OPCML: variants seen among roughly 807,000 people sequenced by gnomAD.
OPCML encodes the protein opioid binding protein/cell adhesion molecule like, also known as opioid-binding protein/cell adhesion molecule.
OPCML carries 13 observed loss-of-function variants against 37.8 expected under a neutral mutation model. That is an observed-to-expected ratio of 0.34 (90% confidence interval 0.22 to 0.55). OPCML has a LOEUF of 0.55. Ranked by LOEUF, OPCML falls within the 20% of genes least tolerant of loss-of-function variation. OPCML has a pLI of 0.91. For missense variants in OPCML, 341 were observed against 435.6 expected (o/e 0.78, Z 1.93); for synonymous variants, 176 against 168.8 (o/e 1.04, Z -0.33).
At position 133,458,819 on chromosome 11, in the gene OPCML, G is replaced by GTGTGTGTGTATATACACATAGATA. The variant is rs1565645993; in HGVS notation, c.61+73444_61+73445insTATCTATGTGTATATACACACACA. Among the ~76,000 whole-genome samples the GTGTGTGTGTATATACACATAGATA allele has an allele frequency of 6.7e-4, 84 of 124,690 alleles. 3 individuals carry two copies. Among genetic ancestry groups the GTGTGTGTGTATATACACATAGATA allele is most frequent in the African/African-American group, 3.3e-3 (81 of 24,526 alleles). 81.8% of individuals were successfully genotyped at this position (124,690 alleles called of 152,430 possible). On this transcript the variant is annotated intron_variant, in intron 1 of 7. Transcript: ENST00000524381. ...CGTGTGTGTGTATATACACATAGAT[G>GTGTGTGTGTATATACACATAGATA]CACGTGTGTGTGTATATACACATAG...
chr11:132,668,185 G>A (rs1344915374), intron 2 of OPCML, among the ~76,000 whole-genome samples: 1 of 152,164 alleles, frequency 6.6e-6, no homozygotes, highest in Non-Finnish European at 1.5e-5. Flanking sequence ...AGTCACCCTT[G>A]TCAATGATGG....
intron 4 of OPCML, 198 bp from the exon 5 acceptor site, chr11:132,437,557 G>A (rs752660016): frequency 1.3e-6 from 1 of 795,804 alleles, no homozygotes; most frequent in Non-Finnish European, 1.5e-6. Context: ...CTTGAGTCTT[G>A]CATCAATGTA....
At chr11:133,009,857 C>G (rs1947183687) in intron 1 of OPCML, among the ~76,000 whole-genome samples, 1 of 152,174 alleles carries the variant, frequency 6.6e-6, no homozygotes, top group African/African-American at 2.4e-5. Context: ...AGGGCATGGA[C>G]TGGTATTGGT....
At chr11:132,474,528 A>G (rs1460074213) in intron 4 of OPCML, among the ~76,000 whole-genome samples, 1 of 152,104 alleles carries the variant, frequency 6.6e-6, no homozygotes, top group Non-Finnish European at 1.5e-5. Flanking sequence ...TGCCCAGCTC[A>G]GCCTCACATT....
intron 3 of OPCML, among the ~76,000 whole-genome samples, chr11:132,622,369 C>G (rs1356903731): frequency 6.6e-6 from 1 of 151,772 alleles, no homozygotes; most frequent in Non-Finnish European, 1.5e-5. Flanking sequence ...GAGAGAGAAG[C>G]GTGGAAACCT....
intron 1 of OPCML, among the ~76,000 whole-genome samples, chr11:133,102,329 C>T (rs1949095136): frequency 6.6e-6 from 1 of 152,178 alleles, no homozygotes; most frequent in Non-Finnish European, 1.5e-5. Context: ...TGGGAAATCT[C>T]TGTTGCTAAC....
At chr11:133,084,229 C>A (rs1948785097) in intron 1 of OPCML, among the ~76,000 whole-genome samples, 1 of 151,978 alleles carries the variant, frequency 6.6e-6, no homozygotes. Context: ...GCAGAACCAG[C>A]ATTCATACCT....
At chr11:132,838,157 A>G (rs1941122833) in intron 2 of OPCML, among the ~76,000 whole-genome samples, 1 of 152,182 alleles carries the variant, frequency 6.6e-6, no homozygotes. Context: ...GTTTCCAGCA[A>G]ATACAAACTA....
At position 133,218,032 on chromosome 11, in the gene OPCML, A is replaced by T. The variant is rs1021300188; in HGVS notation, c.62-275022T>A. Reference sequence around the variant, plus strand: ...CTGCACTCCAGCCTGAACAACAGAGACATACCCTGTCTCAAAAAAAAAAAC... The same window carrying T: ...CTGCACTCCAGCCTGAACAACAGAGTCATACCCTGTCTCAAAAAAAAAAAC... On this transcript the variant is annotated intron_variant, in intron 1 of 7. Coordinates refer to ENST00000524381, the MANE Select transcript of OPCML (RefSeq NM_001012393.5). Among the ~76,000 whole-genome samples, 44 of 138,864 alleles carry T rather than the reference A, an allele frequency of 3.2e-4. 1 individual carries two copies. The highest frequency in any genetic ancestry group is 1.6e-3 in the Admixed American group (24 of 14,588). The allele number at this position is 138,864 out of a possible 152,430, so 91.1% of individuals were successfully genotyped here.
At chr11:133,513,003 A>G (rs1340848441) in intron 1 of OPCML, among the ~76,000 whole-genome samples, 1 of 152,208 alleles carries the variant, frequency 6.6e-6, no homozygotes, top group African/African-American at 2.4e-5. Context: ...AGCACACTCT[A>G]CAATTAAAAC....
chr11:133,195,634 T>C (rs1258131633), intron 1 of OPCML, among the ~76,000 whole-genome samples: 2 of 152,218 alleles, frequency 1.3e-5, no homozygotes, highest in Non-Finnish European at 2.9e-5. Context: ...GGAAGAAGTA[T>C]AGGATTAAAA....
At chr11:133,096,911 A>G (rs1464869871) in intron 1 of OPCML, among the ~76,000 whole-genome samples, 1 of 152,094 alleles carries the variant, frequency 6.6e-6, no homozygotes, top group Non-Finnish European at 1.5e-5. Context: ...AACTGATAGA[A>G]CCGCAAGGAG....
At chr11:132,609,238 C>A (rs1938489994) in intron 3 of OPCML, among the ~76,000 whole-genome samples, 1 of 152,206 alleles carries the variant, frequency 6.6e-6, no homozygotes. Flanking sequence ...GAATTCACCC[C>A]AATGACATAA....
intron 1 of OPCML, among the ~76,000 whole-genome samples, chr11:132,959,022 T>C (rs747874787): frequency 2.0e-5 from 3 of 152,224 alleles, no homozygotes; most frequent in Non-Finnish European, 4.4e-5. Flanking sequence ...CTGCCATAAA[T>C]AGTGATTCTT....
At chr11:133,432,216 A>T (rs972149296) in intron 1 of OPCML, among the ~76,000 whole-genome samples, 3 of 152,082 alleles carry the variant, frequency 2.0e-5, no homozygotes, top group Non-Finnish European at 4.4e-5. Context: ...CCCACGTAAC[A>T]CTCTGAACCT....
At chr11:132,450,684 GAC>G (rs534379112) in intron 4 of OPCML, among the ~76,000 whole-genome samples, 449 of 152,146 alleles carry the variant, frequency 3.0e-3, no homozygotes, top group African/African-American at 0.01. Context: ...TACACAGACA[GAC>G]ACACAAGTGT....
chr11:133,411,506 G>C (rs1298114741), intron 1 of OPCML, among the ~76,000 whole-genome samples: 1 of 152,184 alleles, frequency 6.6e-6, no homozygotes, highest in African/African-American at 2.4e-5. Context: ...GGCCTGGCCA[G>C]CCCTAACTCT....
At chr11:132,731,900 T>C (rs956122975) in intron 2 of OPCML, among the ~76,000 whole-genome samples, 6 of 152,142 alleles carry the variant, frequency 3.9e-5, no homozygotes, top group African/African-American at 1.4e-4. Flanking sequence ...AGTAGTAGGA[T>C]ATGAAAGAGG....
At chr11:133,043,406 C>T (rs975366351) in intron 1 of OPCML, among the ~76,000 whole-genome samples, 2 of 152,206 alleles carry the variant, frequency 1.3e-5, no homozygotes, top group African/African-American at 4.8e-5. Context: ...AAGGGCTCCA[C>T]TCATCAGCCC....
Sources: allele counts gnomAD v4.1 joint callset (sites outside exome capture counted in the v4.1 genomes callset), GRCh38; gene constraint gnomAD v4.1.1; transcripts MANE v1.5; gene names NCBI Gene and HGNC (gene_info 2026-07-23, HGNC 2026-07-21).